The following ZNF536 variants were observed in gnomAD, a reference collection of about 807,000 sequenced individuals.
The protein encoded by ZNF536 is zinc finger protein 536.
Under a neutral mutation model 84.5 loss-of-function variants are expected in ZNF536, and 13 were observed. The observed-to-expected ratio is 0.15, with a 90% confidence interval of 0.10 to 0.24. The LOEUF is 0.24. Ranked by LOEUF, ZNF536 falls within the 10% of genes least tolerant of loss-of-function variation. The pLI, the probability that ZNF536 is intolerant of heterozygous loss-of-function variation, is 1.00. For missense variants in ZNF536, 1,536 were observed against 1,747.5 expected (o/e 0.88, Z 2.16); for synonymous variants, 811 against 742.5 (o/e 1.09, Z -1.50).
chr19:30,300,781 G>C (rs1350100047), intron 2 of ZNF536: 7 of 152,324 alleles, frequency 4.6e-5, no homozygotes, highest in African/African-American at 1.4e-4. Flanking sequence ...CCAGGTACCC[G>C]GCAGGATGAT....
At position 30,383,703 on chromosome 19, in the gene ZNF536, C is replaced by T. The variant is rs371368807; in HGVS notation, c.-3+11147C>T. On this transcript the variant is annotated intron_variant, in intron 1 of 4. Coordinates refer to ENST00000355537, the MANE Select transcript of ZNF536 (RefSeq NM_014717.3). Reference sequence around the variant, plus strand: ...TTCTTCCTTCCTTTCTTTTCTTTCTCTTTCTTTCTTTCTTTCTTTCTTTCT... The same window carrying T: ...TTCTTCCTTCCTTTCTTTTCTTTCTTTTTCTTTCTTTCTTTCTTTCTTTCT... Among the ~76,000 whole-genome samples the T allele has an allele frequency of 9.3e-3, 326 of 35,234 alleles. 16 individuals are homozygous for T. The highest frequency in any genetic ancestry group is 0.041 in the South Asian group (33 of 812). 23.1% of individuals were successfully genotyped at this position (35,234 alleles called of 152,430 possible).
chr19:30,309,128 A>C (rs574514669), intron 2 of ZNF536, among the ~76,000 whole-genome samples: 1 of 152,182 alleles, frequency 6.6e-6, no homozygotes, highest in African/African-American at 2.4e-5. Context: ...AAAACAAACA[A>C]AAAAGCTATG....
At chr19:30,230,989 A>C (rs555518063) in intron 1 of ZNF536, among the ~76,000 whole-genome samples, 1 of 151,360 alleles carries the variant, frequency 6.6e-6, no homozygotes, top group African/African-American at 2.4e-5. Context: ...TTTTTTTTAT[A>C]AGAAGAGTAT....
intron 1 of ZNF536, among the ~76,000 whole-genome samples, chr19:30,623,673 T>A (rs369647880): frequency 3.3e-5 from 5 of 152,350 alleles, no homozygotes; most frequent in African/African-American, 1.2e-4. Context: ...AGCCTCTCAG[T>A]GAGGCCTCCC....
intron 2 of ZNF536, among the ~76,000 whole-genome samples, chr19:30,498,489 T>C (rs1207996697): frequency 6.6e-6 from 1 of 152,006 alleles, no homozygotes; most frequent in East Asian, 1.9e-4. Flanking sequence ...TAATGAATAC[T>C]GGGCTTAATA....
chr19:30,645,621 G>A (rs1053348829), intron 1 of ZNF536, among the ~76,000 whole-genome samples: 66 of 152,172 alleles, frequency 4.3e-4, no homozygotes, highest in Non-Finnish European at 8.8e-4. Flanking sequence ...TGATGTAAAA[G>A]GTAAATGAAG....
At chr19:30,448,672 C>T (rs140372071) in intron 2 of ZNF536, among the ~76,000 whole-genome samples, 102 of 152,210 alleles carry the variant, frequency 6.7e-4, no homozygotes, top group African/African-American at 2.2e-3. Flanking sequence ...CTTTATAAAT[C>T]GCTGCTCTTA....
intron 1 of ZNF536, among the ~76,000 whole-genome samples, chr19:30,700,192 C>CTT (rs2051852486): frequency 9.1e-6 from 1 of 110,450 alleles, no homozygotes; most frequent in African/African-American, 3.3e-5. Context: ...TTCTTTCCTT[C>CTT]TTTCTTTCCT....
intron 1 of ZNF536, among the ~76,000 whole-genome samples, chr19:30,581,462 G>T (rs373227641): frequency 7.2e-5 from 11 of 151,870 alleles, no homozygotes; most frequent in African/African-American, 2.4e-4. Context: ...AGGCAACAGA[G>T]CCAGGGTCCA....
intron 1 of ZNF536, among the ~76,000 whole-genome samples, chr19:30,275,016 C>T (rs142921104): frequency 1.1e-4 from 16 of 152,274 alleles, no homozygotes; most frequent in Non-Finnish European, 1.5e-4. Context: ...CCATCTCTGG[C>T]GGCCAGAATT....
At chr19:30,607,185 C>A (rs1191118656) in intron 1 of ZNF536, among the ~76,000 whole-genome samples, 1 of 152,300 alleles carries the variant, frequency 6.6e-6, no homozygotes, top group South Asian at 2.1e-4. Context: ...CTACACAATA[C>A]CATCATACTT....
chr19:30,706,350 G>A (rs2052226735), intron 1 of ZNF536, among the ~76,000 whole-genome samples: 1 of 152,054 alleles, frequency 6.6e-6, no homozygotes. Flanking sequence ...AGCCGGTCGT[G>A]GTGGCGGGTG....
intron 2 of ZNF536, among the ~76,000 whole-genome samples, chr19:30,493,879 T>G (rs894012317): frequency 2.6e-5 from 4 of 152,064 alleles, no homozygotes; most frequent in Non-Finnish European, 2.9e-5. Context: ...GAGCTCAAGT[T>G]TTCTAGGGTG....
intron 1 of ZNF536, among the ~76,000 whole-genome samples, chr19:30,262,891 C>T (rs1315385426): frequency 2.0e-5 from 3 of 152,160 alleles, no homozygotes; most frequent in Admixed American, 6.5e-5. Flanking sequence ...TTTCTGCCCT[C>T]GTGGAATTTG....
chr19:30,229,547 C>G (rs2022860817), intron 1 of ZNF536, among the ~76,000 whole-genome samples: 3 of 151,848 alleles, frequency 2.0e-5, no homozygotes, highest in African/African-American at 7.3e-5. Context: ...CTGCGCCCAC[C>G]ACCCTGAAAG....
intron 2 of ZNF536, among the ~76,000 whole-genome samples, chr19:30,446,248 CAAAAAAAAAAAAAAAA>C: frequency 3.4e-5 from 1 of 29,178 alleles, no homozygotes. Flanking sequence ...GACACTGTCT[CAAAAAAAAAAAAAAAA>C]AAAAAAAAAA....
chr19:30,687,218 C>G (rs1267655256), intron 1 of ZNF536, among the ~76,000 whole-genome samples: 1 of 152,176 alleles, frequency 6.6e-6, no homozygotes, highest in Admixed American at 6.5e-5. Flanking sequence ...TTTGGCAAAT[C>G]TAGCCCATCT....
At chr19:30,667,825 GT>G (rs2050393508) in intron 1 of ZNF536, among the ~76,000 whole-genome samples, 1 of 151,988 alleles carries the variant, frequency 6.6e-6, no homozygotes, top group South Asian at 2.1e-4. Context: ...CACTCAGCAT[GT>G]CCTGAGTGCT....
chr19:30,677,772 C>A (rs2050805242), intron 1 of ZNF536, among the ~76,000 whole-genome samples: 1 of 152,190 alleles, frequency 6.6e-6, no homozygotes. Flanking sequence ...CTCCTAAGAC[C>A]CTGAGCTCAT....
Sources: allele counts gnomAD v4.1 joint callset (sites outside exome capture counted in the v4.1 genomes callset), GRCh38; gene constraint gnomAD v4.1.1; transcripts MANE v1.5; gene names NCBI Gene and HGNC (gene_info 2026-07-23, HGNC 2026-07-21).